Variants in AMBRA1 observed in about 807,000 individuals in gnomAD.
The protein encoded by AMBRA1 is autophagy and beclin 1 regulator 1.
Under a neutral mutation model 125.4 loss-of-function variants are expected in AMBRA1, and 47 were observed. The observed-to-expected ratio is 0.37, with a 90% CI of 0.30 to 0.48. The LOEUF is 0.48. Ranked by LOEUF, AMBRA1 falls within the 20% of genes least tolerant of loss-of-function variation. The pLI, the probability that AMBRA1 is intolerant of heterozygous loss-of-function variation, is 0.99. For missense variants in AMBRA1, 1,331 were observed against 1,693.4 expected (o/e 0.79, Z 3.76); for synonymous variants, 626 against 655.5 (o/e 0.95, Z 0.69).
intron 11 of AMBRA1, among the ~76,000 whole-genome samples, chr11:46,476,851 G>A (rs905743418): frequency 4.3e-4 from 65 of 152,252 alleles, no homozygotes; most frequent in African/African-American, 1.4e-3. Flanking sequence ...GGTGCCTCAC[G>A]CCTGTAATTC....
At chr11:46,492,652 T>G (rs1565214982) in intron 11 of AMBRA1, among the ~76,000 whole-genome samples, 2 of 152,220 alleles carry the variant, frequency 1.3e-5, no homozygotes, top group Non-Finnish European at 2.9e-5. Flanking sequence ...CTTTACTTCC[T>G]TCTCTAGAGA....
At chr11:46,546,579 T>C (rs1197279658) in intron 4 of AMBRA1, among the ~76,000 whole-genome samples, 1 of 151,914 alleles carries the variant, frequency 6.6e-6, no homozygotes, top group African/African-American at 2.4e-5. Context: ...GATGTTCATC[T>C]TAGCAAGAAT....
intron 1 of AMBRA1, among the ~76,000 whole-genome samples, chr11:46,577,151 T>C (rs2043986074): frequency 6.6e-6 from 1 of 152,142 alleles, no homozygotes; most frequent in Non-Finnish European, 1.5e-5. Flanking sequence ...AATAAGCCAA[T>C]GCACATGCAT....
intron 11 of AMBRA1, among the ~76,000 whole-genome samples, chr11:46,452,855 T>C (rs1233848414): frequency 6.6e-6 from 1 of 152,210 alleles, no homozygotes; most frequent in Admixed American, 6.5e-5. Flanking sequence ...TTCTCATTTA[T>C]GATTCTGACA....
chr11:46,548,350 G>C lies in AMBRA1; in HGVS notation c.31C>G (p.Arg11Gly). 6.2e-7 allele frequency: 1 copy of C among 1,613,870 alleles called. No individual in the cohort carries two copies. Among genetic ancestry groups the C allele is most frequent in the Non-Finnish European group, 8.5e-7 (1 of 1,180,016 alleles). The change falls in exon 2 of 18, where the codon CGG becomes GGG. Residue 11 changes from arginine (R) to glycine (G), a missense_variant. Arg to Gly is a moderately radical substitution (Grantham distance 125). This residue lies in a region of AMBRA1 where 144 missense variants were observed against 250.4 expected (regional missense o/e 0.58). Coordinates refer to ENST00000683756, the MANE Select transcript of AMBRA1 (RefSeq NM_001387011.1). Reference sequence around the variant, plus strand: ...CCCCGTTCTCGCCCCCAGAGTATCCGGACAGCATTCTTTTCTGGGACAACC... The same window carrying C: ...CCCCGTTCTCGCCCCCAGAGTATCCCGACAGCATTCTTTTCTGGGACAACC... MKVVPEKNAVRILWGRERGAR... is the reference protein window; with the variant it reads MKVVPEKNAVGILWGRERGAR...
chr11:46,483,395 A>G (rs1950148592), intron 11 of AMBRA1, among the ~76,000 whole-genome samples: 1 of 152,210 alleles, frequency 6.6e-6, no homozygotes, highest in African/African-American at 2.4e-5. Flanking sequence ...GAGTGGCATG[A>G]GGACCCAGGG....
rs750314722 is a variant in AMBRA1, at chr11:46,418,013, G to A, written c.3016C>T (p.Arg1006Trp). 2 of 1,606,440 alleles carry A rather than the reference G, an allele frequency of 1.2e-6. No individual in the cohort carries two copies. The highest frequency in any genetic ancestry group is 2.2e-5 in the East Asian group (1 of 44,738). ...NVLYPMPADQ[R>W]RHVSINSARW... ...GCAGAGTTGATACTGACATGTCTCCGCTGGTCGGCAGGCATGGGATAAAGG... is the reference window on the plus strand; with the variant it reads ...GCAGAGTTGATACTGACATGTCTCCACTGGTCGGCAGGCATGGGATAAAGG... Residue 1006 changes from arginine (R) to tryptophan (W), a missense_variant, in exon 15 of 18, where the codon CGG becomes TGG. Transcript: ENST00000683756.
chr11:46,546,027 C>G, intron 4 of AMBRA1: 2 of 291,096 alleles, frequency 6.9e-6, no homozygotes, highest in South Asian at 1.5e-4. Flanking sequence ...TACACAGTTC[C>G]TATTTCTTTT....
Position 46,548,353 on chromosome 11 carries a change from C to G in AMBRA1, c.28G>C (p.Val10Leu), listed in dbSNP as rs1441069929. 1.9e-6 allele frequency: 3 copies of G among 1,613,932 alleles called. No homozygotes were observed. Among genetic ancestry groups the G allele is most frequent in the Non-Finnish European group, 2.5e-6 (3 of 1,180,038 alleles). ...CGTTCTCGCCCCCAGAGTATCCGGACAGCATTCTTTTCTGGGACAACCTTC... is the reference window on the plus strand; with the variant it reads ...CGTTCTCGCCCCCAGAGTATCCGGAGAGCATTCTTTTCTGGGACAACCTTC... MKVVPEKNA[V>L]RILWGRERGA... is the part of the protein sequence containing the mutation. The change falls in exon 2 of 18, where the codon GTC (valine) becomes CTC (leucine). Residue 10 changes from valine to leucine, a missense_variant. Physicochemically the swap from Val to Leu is conservative, Grantham distance 32. Coordinates refer to ENST00000683756, the MANE Select transcript of AMBRA1 (RefSeq NM_001387011.1).
At chr11:46,496,339 G>A (rs957838650) in intron 9 of AMBRA1, among the ~76,000 whole-genome samples, 6 of 152,028 alleles carry the variant, frequency 3.9e-5, no homozygotes, top group Non-Finnish European at 5.9e-5. Context: ...CTGAAATTGC[G>A]CCTTTGCACT....
chr11:46,483,019 A>AG (rs971131772), intron 11 of AMBRA1, among the ~76,000 whole-genome samples: 2 of 145,540 alleles, frequency 1.4e-5, no homozygotes, highest in African/African-American at 5.0e-5. Context: ...AAAAAAAAAA[A>AG]GAAAAAAAAA....
chr11:46,421,297 C>T (rs1289006879), intron 14 of AMBRA1, among the ~76,000 whole-genome samples: 1 of 152,176 alleles, frequency 6.6e-6, no homozygotes, highest in Non-Finnish European at 1.5e-5. Flanking sequence ...CCCTCATGCT[C>T]GAGTCCTTAA....
At chr11:46,573,006 C>G (rs968573218) in intron 1 of AMBRA1, among the ~76,000 whole-genome samples, 2 of 151,326 alleles carry the variant, frequency 1.3e-5, no homozygotes, top group Non-Finnish European at 2.9e-5. Flanking sequence ...GAGGCTGAGG[C>G]AGGCGAATCG....
At chr11:46,415,765 C>T (rs369630690) in intron 15 of AMBRA1, among the ~76,000 whole-genome samples, 5 of 152,308 alleles carry the variant, frequency 3.3e-5, no homozygotes, top group Non-Finnish European at 5.9e-5. Flanking sequence ...AGTGCTAATG[C>T]CATCTTACTC....
At position 46,574,502 on chromosome 11, in the gene AMBRA1, T is replaced by C. The variant is rs376008193; in HGVS notation, c.-121+19326A>G. ...TCTGTTCATGTCCTTCGCCCACTTT[T>C]TGATGGGGTTGTTTGTTTTTTTCTT... On this transcript the variant is annotated intron_variant, in intron 1 of 17. Transcript: ENST00000683756. Among the ~76,000 whole-genome samples, 17 of 151,980 alleles carry C rather than the reference T, an allele frequency of 1.1e-4. No homozygotes were observed. In the South Asian group the frequency reaches 3.5e-3, roughly 32 times the overall value.
Position 46,548,392 on chromosome 11 carries a change from G to A in AMBRA1, c.-12C>T. On this transcript the variant is annotated 5_prime_UTR_variant, in exon 2 of 18. Coordinates refer to ENST00000683756, the MANE Select transcript of AMBRA1 (RefSeq NM_001387011.1). ...GGGACAACCTTCATGGCGCTCAGTA[G>A]CCACTGTCACACCAGGCCCAGGAAA... 1 of 1,613,252 alleles carries A rather than the reference G, an allele frequency of 6.2e-7. No individual in the cohort carries two copies. Among genetic ancestry groups the A allele is most frequent in the East Asian group, 2.2e-5 (1 of 44,880 alleles).
At chr11:46,480,974 T>C (rs1161863474) in intron 11 of AMBRA1, among the ~76,000 whole-genome samples, 1 of 152,206 alleles carries the variant, frequency 6.6e-6, no homozygotes, top group Non-Finnish European at 1.5e-5. Flanking sequence ...CCCTCAAATT[T>C]GCTGATACTT....
At chr11:46,569,729 C>T (rs1413359725) in intron 1 of AMBRA1, among the ~76,000 whole-genome samples, 1 of 151,760 alleles carries the variant, frequency 6.6e-6, no homozygotes, top group Non-Finnish European at 1.5e-5. Flanking sequence ...ACCAGCCTGG[C>T]CAACATGGCT....
intron 17 of AMBRA1, among the ~76,000 whole-genome samples, chr11:46,401,777 G>A (rs752828335): frequency 4.6e-5 from 7 of 152,146 alleles, no homozygotes; most frequent in African/African-American, 1.4e-4. Flanking sequence ...CTCCCCTTCC[G>A]TCTAGTCTCC....
Sources: gnomAD v4.1 joint callset for allele counts (sites outside exome capture counted in the v4.1 genomes callset) on GRCh38, gnomAD v4.1.1 for gene constraint, gnomAD v4.1.1 regional missense constraint, MANE v1.5 for transcripts, NCBI Gene and HGNC (gene_info 2026-07-23, HGNC 2026-07-21) for gene names.